The following EYA4 variants were observed in gnomAD, a reference collection of about 807,000 sequenced individuals.
EYA4 encodes the protein protein phosphatase EYA4.
EYA4 carries 31 observed loss-of-function variants against 87.9 expected under a neutral mutation model. The observed-to-expected ratio is 0.35, with a 90% CI of 0.27 to 0.48. The LOEUF is 0.48. Among genes scored for constraint, EYA4 ranks in the 20% least tolerant of loss-of-function variants. The pLI, the probability that EYA4 is intolerant of heterozygous loss-of-function variation, is 0.99. For synonymous variants in EYA4, 263 were observed against 270.6 expected (o/e 0.97, Z 0.28); for missense variants, 678 against 761.4 (o/e 0.89, Z 1.29).
At chr6:133,269,577 C>A (rs534628125) in intron 1 of EYA4, among the ~76,000 whole-genome samples, 5 of 152,118 alleles carry the variant, frequency 3.3e-5, no homozygotes, top group East Asian at 3.9e-4. Flanking sequence ...ATTTTTAAAA[C>A]GTCTTGTGAT....
chr6:133,394,184 ATG>A (rs1256528982), intron 3 of EYA4, among the ~76,000 whole-genome samples: 5 of 151,666 alleles, frequency 3.3e-5, no homozygotes, highest in Non-Finnish European at 7.4e-5. Context: ...CCTAAAATTC[ATG>A]TAGCTAAAAT....
intron 14 of EYA4, 134 bp from the exon 15 acceptor site, chr6:133,512,587 G>C (rs1799251293): frequency 1.3e-6 from 1 of 754,738 alleles, no homozygotes; most frequent in African/African-American, 1.7e-5. Context: ...AAACAAGAGT[G>C]AGGCAATGAG....
chr6:133,335,258 T>C (rs1160912908), intron 2 of EYA4, among the ~76,000 whole-genome samples: 1 of 152,242 alleles, frequency 6.6e-6, no homozygotes, highest in Non-Finnish European at 1.5e-5. Context: ...CCTTTTTGGC[T>C]AATTACAGAA....
chr6:133,377,848 A>G (rs1247874312), intron 2 of EYA4, among the ~76,000 whole-genome samples: 1 of 152,008 alleles, frequency 6.6e-6, no homozygotes, highest in Non-Finnish European at 1.5e-5. Flanking sequence ...CAAGGGTACA[A>G]AGTTTTACTT....
chr6:133,487,672 T>G (rs1796796079), intron 13 of EYA4, among the ~76,000 whole-genome samples: 1 of 152,054 alleles, frequency 6.6e-6, no homozygotes, highest in Non-Finnish European at 1.5e-5. Flanking sequence ...CTTGGCAAGA[T>G]TCATCACCTG....
intron 2 of EYA4, among the ~76,000 whole-genome samples, chr6:133,293,748 C>A (rs1156805339): frequency 6.6e-6 from 1 of 151,652 alleles, no homozygotes; most frequent in Non-Finnish European, 1.5e-5. Context: ...CCAGCCTGGG[C>A]AACATGGTGA....
In EYA4 at chr6:133,468,574, A is replaced by G. The variant is rs370562413; in HGVS notation, c.813A>G (p.Pro271=). The G allele has an allele frequency of 1.7e-5, 28 of 1,610,032 alleles. No homozygotes were observed. The highest frequency in any genetic ancestry group is 1.6e-4 in the Middle Eastern group (1 of 6,074). The part of the protein sequence containing the change: ...TNFSGSQQDY[P]SYTAFGQNQY... ...CTCAATTATTGTTTCAGGATTATCC[A>G]TCCTATACAGCCTTTGGCCAAAACC... The change falls in exon 11 of 20, where the codon CCA becomes CCG. Residue 271 remains proline (P), a synonymous_variant. Coordinates refer to ENST00000355286, the MANE Select transcript of EYA4 (RefSeq NM_004100.5).
At chr6:133,302,943 C>T (rs1329673236) in intron 2 of EYA4, among the ~76,000 whole-genome samples, 2 of 152,098 alleles carry the variant, frequency 1.3e-5, no homozygotes, top group Non-Finnish European at 2.9e-5. Context: ...TCAGGCTTCA[C>T]GGGCCATGCA....
chr6:133,332,668 T>G (rs1750576), intron 2 of EYA4, among the ~76,000 whole-genome samples: 1 of 151,662 alleles, frequency 6.6e-6, no homozygotes, highest in Non-Finnish European at 1.5e-5. Context: ...CTCAGCCTCC[T>G]GAGTAGCTGG....
intron 3 of EYA4, among the ~76,000 whole-genome samples, chr6:133,424,884 T>C (rs1434601965): frequency 6.6e-6 from 1 of 150,652 alleles, no homozygotes; most frequent in Non-Finnish European, 1.5e-5. Flanking sequence ...CTCCATGGAG[T>C]GTGCAGCCCC....
chr6:133,444,706 G>A (rs1015144275), intron 3 of EYA4, among the ~76,000 whole-genome samples: 7 of 152,076 alleles, frequency 4.6e-5, no homozygotes, highest in Admixed American at 6.5e-5. Context: ...CAGTGACCCC[G>A]TTTAGTTGAG....
intron 2 of EYA4, among the ~76,000 whole-genome samples, chr6:133,286,312 T>TCAG (rs1230307095): frequency 6.6e-6 from 1 of 152,222 alleles, no homozygotes; most frequent in African/African-American, 2.4e-5. Flanking sequence ...GCATCAGATG[T>TCAG]AACCATTGGG....
intron 13 of EYA4, chr6:133,502,119 G>T (rs1415630251): frequency 1.3e-5 from 2 of 151,356 alleles, no homozygotes; most frequent in African/African-American, 4.9e-5. Flanking sequence ...AATAGTTTCA[G>T]TATTTTGATA....
In EYA4 at chr6:133,468,580, T is replaced by C; in HGVS notation, c.819T>C (p.Tyr273=). The C allele has an allele frequency of 1.9e-6, 3 of 1,611,312 alleles. No homozygotes were observed. The South Asian group carries it at 3.3e-5, about 18-fold the overall frequency. The change falls in exon 11 of 20, where the codon TAT becomes TAC. Residue 273 remains tyrosine, a synonymous_variant. Coordinates refer to ENST00000355286, the MANE Select transcript of EYA4 (RefSeq NM_004100.5). ...FSGSQQDYPS[Y]TAFGQNQYAQ... is the part of the protein sequence containing the mutation. ...TATTGTTTCAGGATTATCCATCCTA[T>C]ACAGCCTTTGGCCAAAACCAGTATG...
At chr6:133,460,517 T>C (rs928673824) in intron 6 of EYA4, among the ~76,000 whole-genome samples, 1 of 152,184 alleles carries the variant, frequency 6.6e-6, no homozygotes, top group East Asian at 1.9e-4. Context: ...GCTACTGCAT[T>C]TTGTGATTAT....
chr6:133,245,546 G>A (rs1320269985), intron 1 of EYA4, among the ~76,000 whole-genome samples: 2 of 152,152 alleles, frequency 1.3e-5, no homozygotes, highest in Admixed American at 1.3e-4. Flanking sequence ...AACACCAGGG[G>A]AATGGGGTGG....
intron 3 of EYA4, among the ~76,000 whole-genome samples, chr6:133,416,959 G>T (rs3777840): frequency 6.6e-6 from 1 of 152,122 alleles, no homozygotes; most frequent in African/African-American, 2.4e-5. Context: ...GGTGTATGCC[G>T]AACACCTACT....
intron 1 of EYA4, among the ~76,000 whole-genome samples, chr6:133,261,881 A>G (rs1446041390): frequency 6.6e-6 from 1 of 152,226 alleles, no homozygotes; most frequent in Non-Finnish European, 1.5e-5. Flanking sequence ...ACAAAATATA[A>G]TACAAATGTT....
intron 2 of EYA4, among the ~76,000 whole-genome samples, chr6:133,319,423 T>G (rs1342847042): frequency 1.3e-5 from 2 of 152,198 alleles, no homozygotes; most frequent in African/African-American, 2.4e-5. Context: ...GTTTTTACTT[T>G]GTGTATTTTG....
Sources: gnomAD v4.1 joint callset for allele counts (sites outside exome capture counted in the v4.1 genomes callset) on GRCh38, gnomAD v4.1.1 for gene constraint, MANE v1.5 for transcripts, NCBI Gene and HGNC (gene_info 2026-07-23, HGNC 2026-07-21) for gene names.